Variants in CORIN observed in about 807,000 individuals in gnomAD.
CORIN encodes corin, serine peptidase.
In CORIN, 117 loss-of-function variants were observed where a neutral mutation model predicts 125.3. The observed-to-expected ratio is 0.93, with a 90% CI of 0.80 to 1.09. CORIN has a LOEUF of 1.09. Among genes scored for constraint, CORIN ranks in the 50% least tolerant of loss-of-function variants. CORIN has a pLI of 0.00. For synonymous variants in CORIN, 450 were observed against 466.4 expected, an observed-to-expected ratio of 0.96 and a Z score of 0.45; for missense variants, 1,253 against 1,306.7, an observed-to-expected ratio of 0.96 and a Z score of 0.63.
chr4:47,712,968 A>G (rs1340094811), intron 5 of CORIN, among the ~76,000 whole-genome samples: 1 of 152,204 alleles, frequency 6.6e-6, no homozygotes, highest in Non-Finnish European at 1.5e-5. Context: ...AGACAATAGA[A>G]GAAATAAGTT....
At chr4:47,794,098 A>G (rs542614151) in intron 2 of CORIN, among the ~76,000 whole-genome samples, 1 of 152,308 alleles carries the variant, frequency 6.6e-6, no homozygotes, top group South Asian at 2.1e-4. Context: ...TGAAGTCTTA[A>G]GTAATGTGGA....
chr4:47,789,500 G>A (rs1249072640), intron 2 of CORIN, among the ~76,000 whole-genome samples: 1 of 152,138 alleles, frequency 6.6e-6, no homozygotes, highest in East Asian at 1.9e-4. Context: ...TAATATTTGA[G>A]AGGTACTGTA....
At position 47,678,711 on chromosome 4, in the gene CORIN, T is replaced by C. The variant is rs548756755; in HGVS notation, c.1133-657A>G. Among the ~76,000 whole-genome samples, 28 of 152,378 alleles carry C rather than the reference T, an allele frequency of 1.8e-4. No homozygotes were observed. The South Asian group carries it at 5.8e-3, about 32-fold the overall frequency. On this transcript the variant is annotated intron_variant, in intron 8 of 21. Coordinates refer to ENST00000273857, the MANE Select transcript of CORIN (RefSeq NM_006587.4). ...ATTCCTATCGGTTCTCTAAATTCTA[T>C]ACCTATTGTCTTTTAGAGTATCGGA...
intron 19 of CORIN, among the ~76,000 whole-genome samples, chr4:47,623,096 C>CTATATATATATATA (rs1553904935): frequency 1.6e-4 from 16 of 102,296 alleles, no homozygotes; most frequent in African/African-American, 2.1e-4. Context: ...CTCTCTCTCT[C>CTATATATATATATA]TATATATATA....
chr4:47,656,579 C>G (rs1723992181), intron 12 of CORIN, among the ~76,000 whole-genome samples: 1 of 152,118 alleles, frequency 6.6e-6, no homozygotes, highest in Non-Finnish European at 1.5e-5. Context: ...TAAAATTCAA[C>G]ATCCCTTCCT....
chr4:47,810,091 G>A (rs1418501683), intron 1 of CORIN, among the ~76,000 whole-genome samples: 2 of 152,186 alleles, frequency 1.3e-5, no homozygotes, highest in Non-Finnish European at 2.9e-5. Context: ...GATTGGACCT[G>A]CACATATTTG....
At chr4:47,635,130 TC>T (rs1449014407) in intron 16 of CORIN, among the ~76,000 whole-genome samples, 2 of 152,134 alleles carry the variant, frequency 1.3e-5, no homozygotes, top group African/African-American at 4.8e-5. Flanking sequence ...GAGTTGGAGC[TC>T]AGAAGAAACA....
In CORIN at chr4:47,747,125, C is replaced by A. The variant is rs147236630; in HGVS notation, c.618-2542G>T. Among the ~76,000 whole-genome samples, 43 of 152,202 alleles carry A rather than the reference C, an allele frequency of 2.8e-4. No homozygotes were observed. The East Asian group carries it at 8.3e-3, about 29-fold the overall frequency. ...CCTTGTGATCACCCCGATGCCAGCA[C>A]CCCACCTAGATGGCCACCTCTACCA... On this transcript the variant is annotated intron_variant, in intron 4 of 21. Transcript: ENST00000273857.
At chr4:47,680,077 T>G in intron 8 of CORIN, 64 bp downstream of exon 8, 2 of 1,029,158 alleles carry the variant, frequency 1.9e-6, no homozygotes, top group Non-Finnish European at 3.0e-6. Flanking sequence ...TCCTCAACCT[T>G]GAGTACAGCC....
At chr4:47,722,960 T>G (rs773898523) in intron 5 of CORIN, among the ~76,000 whole-genome samples, 1 of 152,146 alleles carries the variant, frequency 6.6e-6, no homozygotes, top group Non-Finnish European at 1.5e-5. Flanking sequence ...TTTCCCAACA[T>G]AGAATGAATG....
intron 3 of CORIN, among the ~76,000 whole-genome samples, chr4:47,769,783 T>C (rs1399467935): frequency 1.3e-5 from 2 of 152,060 alleles, no homozygotes; most frequent in Non-Finnish European, 2.9e-5. Flanking sequence ...GTCTCTTCAA[T>C]AAATAGTGTT....
At chr4:47,630,767 C>A (rs1305764234) in intron 16 of CORIN, among the ~76,000 whole-genome samples, 1 of 152,214 alleles carries the variant, frequency 6.6e-6, no homozygotes, top group East Asian at 1.9e-4. Context: ...GGGTTTCAAA[C>A]TTTAGCATTC....
At chr4:47,760,584 T>G (rs946325072) in intron 4 of CORIN, among the ~76,000 whole-genome samples, 1 of 152,246 alleles carries the variant, frequency 6.6e-6, no homozygotes, top group Non-Finnish European at 1.5e-5. Context: ...AGATTTAGCA[T>G]ACTTGTTAAC....
chr4:47,788,030 T>C (rs1730900751), intron 2 of CORIN, among the ~76,000 whole-genome samples: 1 of 152,218 alleles, frequency 6.6e-6, no homozygotes, highest in African/African-American at 2.4e-5. Flanking sequence ...TTTGAAAACT[T>C]TGAAAGAGAT....
At position 47,762,992 on chromosome 4, in the gene CORIN, C is replaced by A. The variant is rs530299337; in HGVS notation, c.617+387G>T. Among the ~76,000 whole-genome samples the A allele has an allele frequency of 3.9e-5, 6 of 152,230 alleles. 1 individual carries two copies. Among genetic ancestry groups the A allele is most frequent in the South Asian group, 4.1e-4 (2 of 4,820 alleles). ...TCCCCTTCAATCTTGGGTGGTGGAA[C>A]TGTATCCCCGTATCATGAGACCCTG... On this transcript the variant is annotated intron_variant, in intron 4 of 21. Transcript: ENST00000273857.
At chr4:47,602,515 C>A (rs181285427) in intron 20 of CORIN, among the ~76,000 whole-genome samples, 9 of 152,256 alleles carry the variant, frequency 5.9e-5, no homozygotes, top group African/African-American at 1.9e-4. Context: ...GACCAAATCA[C>A]AACATAGAAT....
intron 5 of CORIN, among the ~76,000 whole-genome samples, chr4:47,726,154 T>C (rs910044258): frequency 1.3e-5 from 2 of 152,094 alleles, no homozygotes; most frequent in South Asian, 4.1e-4. Flanking sequence ...TACATTGTTA[T>C]TGATGGGTAT....
intron 12 of CORIN, among the ~76,000 whole-genome samples, chr4:47,660,054 T>C (rs960771694): frequency 7.2e-5 from 11 of 152,200 alleles, no homozygotes; most frequent in African/African-American, 4.8e-5. Flanking sequence ...TGAACTCATT[T>C]TCAGCAAAGG....
At chr4:47,794,297 A>T (rs1188922482) in intron 2 of CORIN, among the ~76,000 whole-genome samples, 1 of 152,184 alleles carries the variant, frequency 6.6e-6, no homozygotes, top group Non-Finnish European at 1.5e-5. Context: ...CTGTATTTAA[A>T]TTCAATGATC....
Sources: allele counts gnomAD v4.1 joint callset (sites outside exome capture counted in the v4.1 genomes callset), GRCh38; gene constraint gnomAD v4.1.1; transcripts MANE v1.5; gene names NCBI Gene and HGNC (gene_info 2026-07-23, HGNC 2026-07-21).